The following KIAA1549L variants were observed in gnomAD, a reference collection of about 807,000 sequenced individuals.
The protein encoded by KIAA1549L is KIAA1549 like.
In KIAA1549L, 88 loss-of-function variants were observed where a neutral mutation model predicts 160.7. That is an observed-to-expected ratio of 0.55 (90% CI 0.46 to 0.65). The LOEUF (loss-of-function observed/expected upper bound fraction) is 0.65, where lower values mean the gene tolerates loss of function less well. Among genes scored for constraint, KIAA1549L ranks in the 30% least tolerant of loss-of-function variants. KIAA1549L has a pLI of 0.00. For missense variants in KIAA1549L, 2,258 were observed against 2,437.5 expected, an observed-to-expected ratio of 0.93 and a Z score of 1.55; for synonymous variants, 950 against 976.7, an observed-to-expected ratio of 0.97 and a Z score of 0.51.
At chr11:33,615,298 A>T (rs981298806) in intron 15 of KIAA1549L, among the ~76,000 whole-genome samples, 1 of 152,190 alleles carries the variant, frequency 6.6e-6, no homozygotes, top group African/African-American at 2.4e-5. Context: ...GTTCCATAGA[A>T]AGAGAACATA....
At chr11:33,613,595 G>A (rs756358250) in intron 15 of KIAA1549L, among the ~76,000 whole-genome samples, 1 of 152,024 alleles carries the variant, frequency 6.6e-6, no homozygotes, top group South Asian at 2.1e-4. Flanking sequence ...CAGATGTCGC[G>A]AGAACTCATT....
chr11:33,563,721 C>T (rs557537755), intron 8 of KIAA1549L, among the ~76,000 whole-genome samples: 1 of 152,318 alleles, frequency 6.6e-6, no homozygotes, highest in South Asian at 2.1e-4. Context: ...AGAAACAGTG[C>T]TAACCCAGCA....
At chr11:33,643,481 G>C (rs1851641264) in intron 16 of KIAA1549L, among the ~76,000 whole-genome samples, 1 of 152,192 alleles carries the variant, frequency 6.6e-6, no homozygotes, top group Non-Finnish European at 1.5e-5. Flanking sequence ...GCACAGCTCA[G>C]GGGTGGGGAA....
intron 12 of KIAA1549L, among the ~76,000 whole-genome samples, chr11:33,598,190 TTGTGTGTGTGTGTG>T (rs57343190): frequency 5.9e-5 from 8 of 135,102 alleles, no homozygotes; most frequent in African/African-American, 8.1e-5. Context: ...GAGAGAATGT[TTGTGTGTGTGTGTG>T]TGTGTGTGTG....
intron 1 of KIAA1549L, among the ~76,000 whole-genome samples, chr11:33,470,855 G>A (rs571859704): frequency 6.6e-6 from 1 of 152,198 alleles, no homozygotes; most frequent in Non-Finnish European, 1.5e-5. Context: ...GTGTCCTTGA[G>A]AGAGAAGCTT....
intron 15 of KIAA1549L, among the ~76,000 whole-genome samples, chr11:33,610,838 G>A (rs1203148322): frequency 1.3e-5 from 2 of 152,204 alleles, no homozygotes; most frequent in African/African-American, 2.4e-5. Flanking sequence ...CTGGAGGCTG[G>A]GAAGTCCAAG....
At chr11:33,469,447 A>G (rs1257036217) in intron 1 of KIAA1549L, among the ~76,000 whole-genome samples, 2 of 151,962 alleles carry the variant, frequency 1.3e-5, no homozygotes, top group African/African-American at 4.8e-5. Context: ...AATTTTTTCC[A>G]CTTTTTGGCT....
rs775741371 is a variant in KIAA1549L at position 33,660,993 on chromosome 11, C to T, written c.6138C>T (p.Leu2046=). 2 of 1,610,304 alleles carry T rather than the reference C, an allele frequency of 1.2e-6. No homozygotes were observed. The highest frequency in any genetic ancestry group is 2.2e-5 in the East Asian group (1 of 44,726). ...TGTCCTATGCAGGAGAGAATGAGCT[C>T]CCGAGCCAGTGGGCAGATTCGGTGA... is the stretch of plus-strand genomic sequence containing the variant. The part of the protein sequence containing the change: ...AWMSYAGENE[L]PSQWADSVPL... Residue 2046 remains leucine (L), a synonymous_variant, in exon 20 of 21, where the codon CTC becomes CTT. Transcript: ENST00000658780.
intron 13 of KIAA1549L, among the ~76,000 whole-genome samples, chr11:33,606,434 A>T (rs2133321403): frequency 6.6e-6 from 1 of 152,336 alleles, no homozygotes; most frequent in Middle Eastern, 3.4e-3. Context: ...ACCCATGATA[A>T]GGCAATGGAG....
At chr11:33,575,381 G>A (rs1565193722) in intron 10 of KIAA1549L, among the ~76,000 whole-genome samples, 2 of 152,214 alleles carry the variant, frequency 1.3e-5, no homozygotes, top group South Asian at 2.1e-4. Context: ...GGTTTGCTTC[G>A]AAGGGGCATC....
At chr11:33,449,171 C>G (rs1000682545) in intron 1 of KIAA1549L, among the ~76,000 whole-genome samples, 3 of 151,874 alleles carry the variant, frequency 2.0e-5, no homozygotes, top group African/African-American at 7.3e-5. Context: ...CAATAATGAA[C>G]ATGTATTATT....
intron 1 of KIAA1549L, among the ~76,000 whole-genome samples, chr11:33,460,765 C>CT (rs1216285370): frequency 6.6e-6 from 1 of 152,220 alleles, no homozygotes; most frequent in Non-Finnish European, 1.5e-5. Flanking sequence ...AAAAATCCCT[C>CT]TTAAGTATTT....
chr11:33,384,746 C>T (rs1180264967), intron 1 of KIAA1549L, among the ~76,000 whole-genome samples: 2 of 151,956 alleles, frequency 1.3e-5, no homozygotes, highest in African/African-American at 4.8e-5. Flanking sequence ...TCTTACTTGC[C>T]ATCTATATCT....
chr11:33,565,712 T>C (rs551788440), intron 8 of KIAA1549L, among the ~76,000 whole-genome samples: 46 of 152,058 alleles, frequency 3.0e-4, no homozygotes, highest in African/African-American at 1.1e-3. Context: ...AGGCTTTTTT[T>C]TTTTTTTCAA....
At chr11:33,476,585 T>C (rs1852290438) in intron 1 of KIAA1549L, among the ~76,000 whole-genome samples, 1 of 152,214 alleles carries the variant, frequency 6.6e-6, no homozygotes, top group South Asian at 2.1e-4. Context: ...CTACCTGTCC[T>C]GGCCTCTCTC....
At chr11:33,441,664 T>C (rs980854845) in intron 1 of KIAA1549L, among the ~76,000 whole-genome samples, 4 of 152,236 alleles carry the variant, frequency 2.6e-5, no homozygotes, top group African/African-American at 7.2e-5. Flanking sequence ...ATTTCTCTGA[T>C]GGCCAGTGAT....
chr11:33,624,915 C>G (rs866896808), intron 16 of KIAA1549L, among the ~76,000 whole-genome samples: 1 of 123,360 alleles, frequency 8.1e-6, no homozygotes, highest in Non-Finnish European at 1.7e-5. Flanking sequence ...CCCCTCCCCC[C>G]ACCCCACAAC....
chr11:33,574,672 G>T (rs769497890), intron 9 of KIAA1549L, 30 bp from the exon 10 acceptor site: 1 of 1,594,716 alleles, frequency 6.3e-7, no homozygotes, highest in Non-Finnish European at 8.6e-7. Context: ...AAAATGCCCT[G>T]CAAACACTCG....
chr11:33,411,318 G>A (rs1408152302), intron 1 of KIAA1549L, among the ~76,000 whole-genome samples: 1 of 152,148 alleles, frequency 6.6e-6, no homozygotes, highest in Non-Finnish European at 1.5e-5. Context: ...GGCTGCACAT[G>A]AGACCCACTT....
Sources: allele counts gnomAD v4.1 joint callset (sites outside exome capture counted in the v4.1 genomes callset), GRCh38; gene constraint gnomAD v4.1.1; transcripts MANE v1.5; gene names NCBI Gene and HGNC (gene_info 2026-07-23, HGNC 2026-07-21).